Variants in NOTCH4 observed in about 807,000 individuals in gnomAD.
The protein encoded by NOTCH4 is neurogenic locus notch homolog protein 4.
Under a neutral mutation model 189.0 loss-of-function variants are expected in NOTCH4, and 138 were observed. That is an observed-to-expected ratio of 0.73 (90% CI 0.64 to 0.84). The LOEUF is 0.84. Ranked by LOEUF, NOTCH4 falls within the 40% of genes least tolerant of loss-of-function variation. The probability of loss-of-function intolerance (pLI) is 0.00; values close to 1 mark genes in which losing one functional copy is unlikely to be tolerated. For synonymous variants in NOTCH4, 942 were observed against 1,032.8 expected, an observed-to-expected ratio of 0.91 and a Z score of 1.69; for missense variants, 2,286 against 2,605.4, an observed-to-expected ratio of 0.88 and a Z score of 2.67.
In NOTCH4 at chr6:32,214,120, T is replaced by C; in HGVS notation, c.2157A>G (p.Thr719=). ...QPSGYNCTCP[T]GYTGPTCSEE... ...TAGGGAGGGTCTCACCTGTGTAGCCTGTAGGGCAGGTGCAGTTGTAGCCAG... is the reference window on the plus strand; with the variant it reads ...TAGGGAGGGTCTCACCTGTGTAGCCCGTAGGGCAGGTGCAGTTGTAGCCAG... Residue 719 remains threonine, a synonymous_variant, in exon 13 of 30, where the codon ACA becomes ACG. Transcript: ENST00000375023. 2 of 1,612,708 alleles carry C rather than the reference T, an allele frequency of 1.2e-6. No homozygotes were observed. Among genetic ancestry groups the C allele is most frequent in the South Asian group, 2.2e-5 (2 of 91,044 alleles).
In NOTCH4 at chr6:32,196,084, G is replaced by T. The variant is rs772319260; in HGVS notation, c.5365C>A (p.Leu1789Met). The change falls in exon 30 of 30, where the codon CTG becomes ATG. Residue 1789 changes from leucine to methionine, a missense_variant. By Grantham distance (15) the Leu-to-Met change is conservative. Transcript: ENST00000375023. ...AVEVAQLLLG[L>M]GAARELRDQA... ...TCCCGCAGCTCTCGGGCTGCCCCCA[G>T]CCCCAGCAGTAGCTGGGCTACTTCC... The T allele has an allele frequency of 2.9e-5, 46 of 1,592,834 alleles. No homozygotes were observed. In the East Asian group the frequency reaches 9.9e-4, roughly 34 times the overall value.
chr6:32,211,258 TCAAACAAA>T (rs56957733), intron 17 of NOTCH4, among the ~76,000 whole-genome samples: 9,019 of 146,016 alleles, frequency 0.062, 333 homozygotes, highest in South Asian at 0.097. Flanking sequence ...AGACTCCATC[TCAAACAAA>T]CAAACAAACA....
At chr6:32,204,041 G>A in intron 19 of NOTCH4, 96 bp downstream of exon 19, 1 of 1,531,774 alleles carries the variant, frequency 6.5e-7, no homozygotes, top group Non-Finnish European at 8.9e-7. Flanking sequence ...GGATGGACCA[G>A]GTGACGGCTG....
rs939038857 is a variant in NOTCH4 at position 32,199,773 on chromosome 6, C to T, written c.4316-628G>A. Among the ~76,000 whole-genome samples, 1 of 152,104 alleles carries T rather than the reference C, an allele frequency of 6.6e-6. No individual in the cohort carries two copies. Among genetic ancestry groups the T allele is most frequent in the Non-Finnish European group, 1.5e-5 (1 of 68,016 alleles). ...GCATGCCATTGTAATTCCAGCTACTCAGTAGTCTGAAGCAAGAGAATTGCT... is the reference window on the plus strand; with the variant it reads ...GCATGCCATTGTAATTCCAGCTACTTAGTAGTCTGAAGCAAGAGAATTGCT... On this transcript the variant is annotated intron_variant, in intron 23 of 29. Coordinates refer to ENST00000375023, the MANE Select transcript of NOTCH4 (RefSeq NM_004557.4). The surrounding 1 kb of genome is among the most constrained non-coding windows in gnomAD (Gnocchi z 4.9).
intron 12 of NOTCH4, 134 bp downstream of exon 12, chr6:32,215,092 A>G (rs1789314372): frequency 6.1e-6 from 5 of 815,916 alleles, no homozygotes; most frequent in Non-Finnish European, 9.3e-6. Flanking sequence ...GCCTTGCCCT[A>G]AGAACTTTGC....
chr6:32,219,246 A>G (rs394657), intron 8 of NOTCH4, among the ~76,000 whole-genome samples: 60,661 of 151,956 alleles, frequency 0.4, 12,710 homozygotes, highest in Middle Eastern at 0.5. Flanking sequence ...TTCTGGGTTG[A>G]CCTGAGCAAA....
chr6:32,214,157 T>A lies in NOTCH4; in HGVS notation c.2120A>T (p.Tyr707Phe), dbSNP rs750499841. The change falls in exon 13 of 30, where the codon TAC becomes TTC. Residue 707 changes from tyrosine (Y) to phenylalanine (F), a missense_variant. Tyr to Phe is a conservative substitution (Grantham distance 22, BLOSUM62 3). Transcript: ENST00000375023. Reference sequence around the variant, plus strand: ...GCAGTTGTAGCCAGAGGGCTGGGGGTAGCAGGTCCCCCCATGGGCACAGGG... The same window carrying A: ...GCAGTTGTAGCCAGAGGGCTGGGGGAAGCAGGTCCCCCCATGGGCACAGGG... ...SAPCAHGGTC[Y>F]PQPSGYNCTC... 1.2e-6 allele frequency: 2 copies of A among 1,613,234 alleles called. No homozygotes were observed. The highest frequency in any genetic ancestry group is 1.7e-6 in the Non-Finnish European group (2 of 1,179,714).
In NOTCH4 at chr6:32,195,723, G is replaced by T; in HGVS notation, c.5726C>A (p.Pro1909Gln). The T allele has an allele frequency of 6.2e-7, 1 of 1,612,774 alleles. No homozygotes were observed. Among genetic ancestry groups the T allele is most frequent in the Non-Finnish European group, 8.5e-7 (1 of 1,179,916 alleles). The stretch of plus-strand genomic sequence containing the variant: ...AGAAAACCTACGGCCGCGAGGGGTC[G>T]GGCCTCCTCCTGCTCCTACTCCCGA... ...SLSGVGAGGG[P>Q]TPRGRRFSAG... The change falls in exon 30 of 30, where the codon CCG (proline) becomes CAG (glutamine). Residue 1909 changes from proline to glutamine, a missense_variant. Pro to Gln is a moderately conservative substitution (Grantham distance 76). Coordinates refer to ENST00000375023, the MANE Select transcript of NOTCH4 (RefSeq NM_004557.4). The surrounding 1 kb of genome is among the most constrained non-coding windows in gnomAD (Gnocchi z 5.4).
Position 32,210,689 on chromosome 6 carries a change from T to TA in NOTCH4, c.2865+62dup. ...ATACATTGGGTCTTCCCTCAGTCACTACTGTCTCTCCCATCCAGCCCACCC... is the reference window on the plus strand; with the variant it reads ...ATACATTGGGTCTTCCCTCAGTCACTAACTGTCTCTCCCATCCAGCCCACCC... On this transcript the variant is annotated intron_variant, in intron 18 of 29. Coordinates refer to ENST00000375023, the MANE Select transcript of NOTCH4 (RefSeq NM_004557.4). This position sits in a 1 kb window ranked among gnomAD's most constrained non-coding sequence, Gnocchi z 4.8. 1 of 1,516,568 alleles carries TA rather than the reference T, an allele frequency of 6.6e-7. No individual in the cohort carries two copies. Among genetic ancestry groups the TA allele is most frequent in the Non-Finnish European group, 9.1e-7 (1 of 1,095,620 alleles). 93.9% of individuals were successfully genotyped at this position (1,516,568 alleles called of 1,614,324 possible). A position where few individuals can be genotyped will look rare whatever the true frequency, so the allele number is the denominator to read the frequency against.
chr6:32,197,184 C>T, intron 27 of NOTCH4, 112 bp from the exon 28 acceptor site: 1 of 1,517,972 alleles, frequency 6.6e-7, no homozygotes, highest in Non-Finnish European at 8.9e-7. Context: ...CGCAGTTTCC[C>T]TGTCAGGTTC....
intron 15 of NOTCH4, 90 bp from the exon 16 acceptor site, chr6:32,213,001 G>A: frequency 7.5e-7 from 1 of 1,342,102 alleles, no homozygotes; most frequent in Non-Finnish European, 1.1e-6. Context: ...CAACCACAGG[G>A]AGGTGGCAAG....
intron 20 of NOTCH4, 47 bp downstream of exon 20, chr6:32,203,723 T>A: frequency 7.1e-7 from 1 of 1,415,014 alleles, no homozygotes; most frequent in African/African-American, 1.4e-5. Context: ...TATTCTTGCC[T>A]TGTCAGCATA....
In NOTCH4 at chr6:32,196,339, A is replaced by G; in HGVS notation, c.5283T>C (p.Asp1761=). ...RSLLQAGADK[D]AQDNREQTPL... ...CCCATCTAACCCTGTTGTCCTGGGC[A>G]TCTTTATCGGCTCCGGCCTGGAGAA... Residue 1761 remains aspartate, a synonymous_variant, in exon 29 of 30, where the codon GAT becomes GAC. Coordinates refer to ENST00000375023, the MANE Select transcript of NOTCH4 (RefSeq NM_004557.4). The G allele has an allele frequency of 1.2e-6, 2 of 1,613,118 alleles. No homozygotes were observed. Among genetic ancestry groups the G allele is most frequent in the Non-Finnish European group, 1.7e-6 (2 of 1,180,042 alleles).
chr6:32,218,239 T>C, intron 8 of NOTCH4, 131 bp from the exon 9 acceptor site: 1 of 658,144 alleles, frequency 1.5e-6, no homozygotes, highest in Non-Finnish European at 2.8e-6. Context: ...CTGCATGGGG[T>C]TGAATAAGAT....
chr6:32,210,545 A>C lies in NOTCH4; in HGVS notation c.2865+207T>G, dbSNP rs373238977. ...ACGCAACAAAGGTCAGGACTCAGGC[A>C]GTGGGACAAAGGGTGAAGGTGAAAG... On this transcript the variant is annotated intron_variant, in intron 18 of 29. Transcript: ENST00000375023. The surrounding 1 kb of genome is among the most constrained non-coding windows in gnomAD (Gnocchi z 4.8). 8.5e-5 allele frequency among the ~76,000 whole-genome samples: 13 copies of C among 152,352 alleles called. No homozygotes were observed. In the East Asian group the frequency reaches 2.3e-3, roughly 27 times the overall value.
chr6:32,221,299 A>C lies in NOTCH4; in HGVS notation c.478T>G (p.Cys160Gly). The C allele has an allele frequency of 6.2e-7, 1 of 1,612,808 alleles. No homozygotes were observed. Among genetic ancestry groups the C allele is most frequent in the Non-Finnish European group, 8.5e-7 (1 of 1,179,906 alleles). The change falls in exon 4 of 30, where the codon TGT (cysteine) becomes GGT (glycine). Residue 160 changes from cysteine to glycine, a missense_variant. By Grantham distance (159) the Cys-to-Gly change is radical (BLOSUM62 -3). Around this residue, in one of 2 missense-constraint regions of NOTCH4, gnomAD observed 1,903 missense variants for 2,261.9 expected, o/e 0.84. Coordinates refer to ENST00000375023, the MANE Select transcript of NOTCH4 (RefSeq NM_004557.4). The surrounding 1 kb of genome is among the most constrained non-coding windows in gnomAD (Gnocchi z 4.3). ...CCATTAACACATGGGTTGGCTGAAC[A>C]GAAGTCCCGAAGCTGGCACTGCTCA... ...TGEQCQLRDF[C>G]SANPCVNGGV...
At chr6:32,213,908 C>T in intron 13 of NOTCH4, 68 bp from the exon 14 acceptor site, 1 of 1,565,854 alleles carries the variant, frequency 6.4e-7, no homozygotes, top group Admixed American at 1.8e-5. Context: ...CTTCTCTTTC[C>T]TCTTCCTTCC....
Position 32,221,700 on chromosome 6 carries a change from C to G in NOTCH4, c.452-375G>C, listed in dbSNP as rs549977078. On this transcript the variant is annotated intron_variant, in intron 3 of 29. Coordinates refer to ENST00000375023, the MANE Select transcript of NOTCH4 (RefSeq NM_004557.4). The surrounding 1 kb of genome is among the most constrained non-coding windows in gnomAD (Gnocchi z 4.3). ...CCCTTGGGTGAGCCACTTTGCCTTTCTGATCCTCATTTCCTAATCTTTAAG... is the reference window on the plus strand; with the variant it reads ...CCCTTGGGTGAGCCACTTTGCCTTTGTGATCCTCATTTCCTAATCTTTAAG... 1.3e-5 allele frequency among the ~76,000 whole-genome samples: 2 copies of G among 152,284 alleles called. No homozygotes were observed. Among genetic ancestry groups the G allele is most frequent in the South Asian group, 2.1e-4 (1 of 4,826 alleles).
In NOTCH4 at chr6:32,221,200, G is replaced by C. The variant is rs760997487; in HGVS notation, c.577C>G (p.Arg193Gly). The change falls in exon 4 of 30, where the codon CGT becomes GGT. Residue 193 changes from arginine (R) to glycine (G), a missense_variant. Coordinates refer to ENST00000375023, the MANE Select transcript of NOTCH4 (RefSeq NM_004557.4). This position sits in a 1 kb window ranked among gnomAD's most constrained non-coding sequence, Gnocchi z 4.3. ...TCCTGGAAGCACTCGTTGACATCAC[G>C]TTCACAGGCATGGCCCTCGAAGCCC... Reference protein sequence around the residue: ...PPGFEGHACERDVNECFQDPG... With the variant: ...PPGFEGHACEGDVNECFQDPG... The C allele has an allele frequency of 4.3e-6, 7 of 1,613,106 alleles. No homozygotes were observed. In the Admixed American group the frequency reaches 1.2e-4, roughly 27 times the overall value.
Sources: allele counts gnomAD v4.1 joint callset (sites outside exome capture counted in the v4.1 genomes callset), GRCh38; gene constraint gnomAD v4.1.1; regional missense constraint gnomAD v4.1.1; non-coding constraint Gnocchi (gnomAD v3.1); transcripts MANE v1.5; gene names NCBI Gene and HGNC (gene_info 2026-07-23, HGNC 2026-07-21).